Variants in NRIP1 observed in about 807,000 individuals in gnomAD.
NRIP1 encodes the protein nuclear receptor-interacting protein 1.
NRIP1 carries 28 observed loss-of-function variants against 75.0 expected under a neutral mutation model. The ratio of observed to expected loss-of-function variants is 0.37; its 90% CI spans 0.28 to 0.51. NRIP1 has a LOEUF of 0.51. Ranked by LOEUF, NRIP1 falls within the 20% of genes least tolerant of loss-of-function variation. The pLI, the probability that NRIP1 is intolerant of heterozygous loss-of-function variation, is 0.92. For missense variants in NRIP1, 1,435 were observed against 1,343.7 expected (o/e 1.07, Z -1.06); for synonymous variants, 526 against 487.6 (o/e 1.08, Z -1.04).
At chr21:14,995,158 TAAATA>T (rs2087687705) in intron 3 of NRIP1, among the ~76,000 whole-genome samples, 1 of 152,150 alleles carries the variant, frequency 6.6e-6, no homozygotes, top group African/African-American at 2.4e-5. Flanking sequence ...ACATACATAC[TAAATA>T]AAAGGAGTAA....
intron 2 of NRIP1, 82 bp from the exon 3 acceptor site, chr21:15,014,548 A>C (rs999556101): frequency 2.5e-6 from 1 of 397,974 alleles, no homozygotes; most frequent in Non-Finnish European, 4.4e-6. Context: ...AACTTATCCC[A>C]TTACCTTTTC....
chr21:15,036,426 G>C (rs1315777488), intron 2 of NRIP1, among the ~76,000 whole-genome samples: 4 of 152,122 alleles, frequency 2.6e-5, no homozygotes, highest in African/African-American at 9.7e-5. Context: ...TAAAACCACA[G>C]TCAGCCCAAA....
At chr21:14,971,083 C>T (rs2086892390) in intron 3 of NRIP1, among the ~76,000 whole-genome samples, 1 of 152,152 alleles carries the variant, frequency 6.6e-6, no homozygotes, top group Non-Finnish European at 1.5e-5. Context: ...AATCAGCTTT[C>T]TCAGGTTGAA....
chr21:14,996,541 C>A (rs1350969285), intron 3 of NRIP1, among the ~76,000 whole-genome samples: 3 of 152,172 alleles, frequency 2.0e-5, no homozygotes, highest in Non-Finnish European at 4.4e-5. Flanking sequence ...TATTCCCTAG[C>A]AGAGCACCTC....
At chr21:15,062,720 C>CA in intron 1 of NRIP1, among the ~76,000 whole-genome samples, 1 of 152,142 alleles carries the variant, frequency 6.6e-6, no homozygotes, top group Non-Finnish European at 1.5e-5. Flanking sequence ...TCAATTTAAG[C>CA]AAACTTCATG....
At chr21:14,991,495 G>A (rs1053284934) in intron 3 of NRIP1, among the ~76,000 whole-genome samples, 28 of 151,982 alleles carry the variant, frequency 1.8e-4, no homozygotes, top group African/African-American at 6.8e-4. Flanking sequence ...AGCTAAACAT[G>A]ATGACTCTGC....
intron 1 of NRIP1, among the ~76,000 whole-genome samples, chr21:15,059,977 T>C (rs955634389): frequency 2.6e-5 from 4 of 152,180 alleles, no homozygotes; most frequent in Admixed American, 6.5e-5. Flanking sequence ...TCTTCTGATT[T>C]AAGAACTTAA....
chr21:15,041,523 T>G (rs2088954234), intron 2 of NRIP1, among the ~76,000 whole-genome samples: 1 of 152,198 alleles, frequency 6.6e-6, no homozygotes, highest in Non-Finnish European at 1.5e-5. Context: ...TTATGCATTA[T>G]GATTTCTTTT....
chr21:15,059,757 G>C (rs1377534531), intron 1 of NRIP1, among the ~76,000 whole-genome samples: 1 of 152,032 alleles, frequency 6.6e-6, no homozygotes, highest in African/African-American at 2.4e-5. Flanking sequence ...TTAATACTAA[G>C]AGGATCCTTT....
intron 1 of NRIP1, chr21:15,050,447 C>A (rs560922278): frequency 3.2e-6 from 1 of 313,780 alleles, no homozygotes; most frequent in Admixed American, 4.6e-5. Context: ...ATATTGGGAT[C>A]TTCCCTTTCC....
At chr21:15,039,581 T>C (rs898622022) in intron 2 of NRIP1, among the ~76,000 whole-genome samples, 2 of 152,124 alleles carry the variant, frequency 1.3e-5, no homozygotes, top group Non-Finnish European at 2.9e-5. Flanking sequence ...AACCTTTAAA[T>C]ATCCTAAGTA....
At chr21:14,978,481 G>C (rs780627004) in intron 3 of NRIP1, among the ~76,000 whole-genome samples, 7 of 152,094 alleles carry the variant, frequency 4.6e-5, no homozygotes, top group Non-Finnish European at 8.8e-5. Context: ...ATTGCAAACA[G>C]ATGTTTATTT....
At chr21:15,011,336 C>T (rs1314838455) in intron 3 of NRIP1, among the ~76,000 whole-genome samples, 1 of 152,080 alleles carries the variant, frequency 6.6e-6, no homozygotes, top group Admixed American at 6.5e-5. Flanking sequence ...ACTACAGGCG[C>T]CCGCCATGGC....
At chr21:14,970,770 T>G (rs539439532) in intron 3 of NRIP1, among the ~76,000 whole-genome samples, 42 of 152,320 alleles carry the variant, frequency 2.8e-4, no homozygotes, top group African/African-American at 1.0e-3. Flanking sequence ...AGAATAAGAA[T>G]GAAATAAGGA....
intron 2 of NRIP1, among the ~76,000 whole-genome samples, chr21:15,031,887 G>A (rs961096701): frequency 6.6e-6 from 1 of 151,038 alleles, no homozygotes; most frequent in African/African-American, 2.4e-5. Flanking sequence ...ACTCTGGAAG[G>A]TGGTTGGAGG....
intron 3 of NRIP1, among the ~76,000 whole-genome samples, chr21:14,993,247 A>G (rs982981125): frequency 3.3e-5 from 5 of 152,142 alleles, no homozygotes; most frequent in African/African-American, 1.2e-4. Flanking sequence ...AAAAAAAAAA[A>G]AAATCAGGGC....
intron 1 of NRIP1, among the ~76,000 whole-genome samples, chr21:15,064,390 T>C (rs1337809124): frequency 6.6e-6 from 1 of 151,996 alleles, no homozygotes; most frequent in Non-Finnish European, 1.5e-5. Context: ...GTGCCCGGGG[T>C]TCGGGACCGA....
intron 3 of NRIP1, among the ~76,000 whole-genome samples, chr21:14,985,535 G>GC (rs1733839844): frequency 2.6e-5 from 4 of 152,014 alleles, no homozygotes; most frequent in Admixed American, 2.6e-4. Context: ...ACCCGCCTCG[G>GC]CCCCCCAAAG....
chr21:15,013,273 C>T (rs888320069), intron 3 of NRIP1, among the ~76,000 whole-genome samples: 2 of 152,006 alleles, frequency 1.3e-5, no homozygotes, highest in Admixed American at 6.6e-5. Context: ...GATGAAATTA[C>T]AAGAAAAGCT....
Sources: gnomAD v4.1 joint callset for allele counts (sites outside exome capture counted in the v4.1 genomes callset) on GRCh38, gnomAD v4.1.1 for gene constraint, MANE v1.5 for transcripts, NCBI Gene and HGNC (gene_info 2026-07-23, HGNC 2026-07-21) for gene names.